PPM1L: variants seen among roughly 807,000 people sequenced by gnomAD.
PPM1L encodes protein phosphatase 1L.
In PPM1L, 13 loss-of-function variants were observed where a neutral mutation model predicts 31.4. The observed-to-expected ratio is 0.41, with a 90% CI of 0.27 to 0.66. The LOEUF (loss-of-function observed/expected upper bound fraction) is 0.66, where lower values mean the gene tolerates loss of function less well. PPM1L is among the 30% of genes least tolerant of loss of function. PPM1L has a pLI of 0.29. For missense variants in PPM1L, 326 were observed against 453.7 expected (o/e 0.72, Z 2.56); for synonymous variants, 184 against 175.4 (o/e 1.05, Z -0.39).
At chr3:160,941,183 G>C (rs1715150690) in intron 1 of PPM1L, among the ~76,000 whole-genome samples, 1 of 152,178 alleles carries the variant, frequency 6.6e-6, no homozygotes, top group Admixed American at 6.5e-5. Flanking sequence ...TATCTAGGAA[G>C]TAAATAGCTT....
chr3:160,766,744 G>GTT (rs200642876), intron 1 of PPM1L, among the ~76,000 whole-genome samples: 1 of 142,394 alleles, frequency 7.0e-6, no homozygotes, highest in Non-Finnish European at 1.5e-5. Context: ...CTCTCTGGAG[G>GTT]TTTTTTTTTT....
At position 160,873,403 on chromosome 3, in the gene PPM1L, C is replaced by T. The variant is rs527598101; in HGVS notation, c.400-88333C>T. Among the ~76,000 whole-genome samples, 139 of 152,284 alleles carry T rather than the reference C, an allele frequency of 9.1e-4. 1 individual carries two copies. The highest frequency in any genetic ancestry group is 3.0e-3 in the African/African-American group (125 of 41,568). ...GGAAAATTTTGTTCTGAATTCAAAA[C>T]GGCTGACTTATAGGTAGACTATGGA... is the stretch of plus-strand genomic sequence containing the variant. On this transcript the variant is annotated intron_variant, in intron 1 of 3. Coordinates refer to ENST00000498165, the MANE Select transcript of PPM1L (RefSeq NM_139245.4).
At chr3:160,899,478 A>AT (rs1385089437) in intron 1 of PPM1L, among the ~76,000 whole-genome samples, 5 of 152,222 alleles carry the variant, frequency 3.3e-5, no homozygotes, top group African/African-American at 1.2e-4. Flanking sequence ...AATGAATTGG[A>AT]TTTTAAAATA....
rs1343266494 is a variant in PPM1L at position 160,954,528 on chromosome 3, G to GT, written c.400-7201dup. ...CAGGTGCGTGCCATCACGCCTGGCT[G>GT]TTTTTTTGTATTTTTAGTAGAGACA... On this transcript the variant is annotated intron_variant, in intron 1 of 3. Coordinates refer to ENST00000498165, the MANE Select transcript of PPM1L (RefSeq NM_139245.4). Among the ~76,000 whole-genome samples the GT allele has an allele frequency of 7.2e-5, 11 of 151,814 alleles. No individual in the cohort carries two copies. In the East Asian group the frequency reaches 9.8e-4, roughly 13 times the overall value.
intron 1 of PPM1L, among the ~76,000 whole-genome samples, chr3:160,850,523 G>T (rs545628498): frequency 2.3e-4 from 35 of 152,146 alleles, no homozygotes; most frequent in African/African-American, 8.4e-4. Flanking sequence ...CTGGACTTTG[G>T]GGGTTGAGGC....
intron 1 of PPM1L, among the ~76,000 whole-genome samples, chr3:160,851,909 T>C (rs904004418): frequency 6.6e-6 from 1 of 152,198 alleles, no homozygotes; most frequent in Non-Finnish European, 1.5e-5. Flanking sequence ...TTGCTCTTCA[T>C]AGGAAATGAG....
chr3:160,781,822 G>A (rs1576634523), intron 1 of PPM1L, among the ~76,000 whole-genome samples: 1 of 152,114 alleles, frequency 6.6e-6, no homozygotes, highest in Admixed American at 6.6e-5. Context: ...AAATCAAAGT[G>A]CAGAACATGT....
In PPM1L at chr3:160,944,803, A is replaced by ATATATATTATATATATGT. The variant is rs1553748139; in HGVS notation, c.400-16927_400-16926insTTATATATATGTTATATA. On this transcript the variant is annotated intron_variant, in intron 1 of 3. Coordinates refer to ENST00000498165, the MANE Select transcript of PPM1L (RefSeq NM_139245.4). ...TTATATTATATATGTTATATATAAC[A>ATATATATTATATATATGT]TATATAACATATATATGTTATATAT... 1.0e-4 allele frequency among the ~76,000 whole-genome samples: 6 copies of ATATATATTATATATATGT among 59,242 alleles called. 2 individuals carry two copies. The highest frequency in any genetic ancestry group is 4.1e-4 in the Admixed American group (2 of 4,928). The allele number at this position is 59,242 out of a possible 152,430, so 38.9% of individuals were successfully genotyped here.
chr3:161,006,482 TAA>T (rs934141548), intron 2 of PPM1L, among the ~76,000 whole-genome samples: 3 of 152,126 alleles, frequency 2.0e-5, no homozygotes, highest in African/African-American at 7.2e-5. Context: ...TAAAAATGAC[TAA>T]GAGGGTGAAC....
chr3:160,880,274 A>G (rs1161342373), intron 1 of PPM1L, among the ~76,000 whole-genome samples: 1 of 152,134 alleles, frequency 6.6e-6, no homozygotes, highest in Non-Finnish European at 1.5e-5. Context: ...TCTGTAGCCA[A>G]AAGCAAATAG....
chr3:160,941,587 T>C (rs1715164579), intron 1 of PPM1L, among the ~76,000 whole-genome samples: 1 of 152,172 alleles, frequency 6.6e-6, no homozygotes, highest in African/African-American at 2.4e-5. Flanking sequence ...GCCACTGCCA[T>C]GTAAGAAGTG....
At chr3:161,026,459 G>A (rs1718392847) in intron 2 of PPM1L, among the ~76,000 whole-genome samples, 1 of 152,194 alleles carries the variant, frequency 6.6e-6, no homozygotes, top group Admixed American at 6.5e-5. Context: ...CCTTTGGGAG[G>A]CCGAGGCAGG....
chr3:161,045,774 A>G (rs1356398615), intron 2 of PPM1L, among the ~76,000 whole-genome samples: 1 of 152,174 alleles, frequency 6.6e-6, no homozygotes, highest in Non-Finnish European at 1.5e-5. Flanking sequence ...CTAAGATCAG[A>G]GTAGAACTGA....
At chr3:161,067,931 G>T (rs1001359177) in intron 3 of PPM1L, among the ~76,000 whole-genome samples, 1 of 152,144 alleles carries the variant, frequency 6.6e-6, no homozygotes, top group Non-Finnish European at 1.5e-5. Flanking sequence ...ATACCACTTT[G>T]TGCTTATTGT....
Position 161,071,237 on chromosome 3 carries a change from TCAGCACCA to T in PPM1L, c.*2081_*2088del, listed in dbSNP as rs2108115221. On this transcript the variant is annotated 3_prime_UTR_variant, in exon 4 of 4. Coordinates refer to ENST00000498165, the MANE Select transcript of PPM1L (RefSeq NM_139245.4). ...GCCCCCACCCACCATCAAACTGAAA[TCAGCACCA>T]ATGGTGTCAGCACTTTACAGCCCAT... The T allele has an allele frequency of 6.6e-6, 1 of 152,342 alleles. No homozygotes were observed. The highest frequency in any genetic ancestry group is 2.1e-4 in the South Asian group (1 of 4,824). 9.4% of individuals were successfully genotyped at this position (152,342 alleles called of 1,614,324 possible).
At chr3:160,839,958 A>G (rs1560122032) in intron 1 of PPM1L, among the ~76,000 whole-genome samples, 1 of 152,204 alleles carries the variant, frequency 6.6e-6, no homozygotes. Flanking sequence ...GAGTTGAGAC[A>G]TACGGTTTAT....
At chr3:160,869,718 A>ATGTG (rs10663764) in intron 1 of PPM1L, among the ~76,000 whole-genome samples, 8,010 of 150,400 alleles carry the variant, frequency 0.053, 273 homozygotes, top group Middle Eastern at 0.12. Flanking sequence ...GGTGCAATGT[A>ATGTG]TGTGTGTGTG....
At chr3:161,047,117 G>T (rs1576805076) in intron 2 of PPM1L, among the ~76,000 whole-genome samples, 1 of 152,122 alleles carries the variant, frequency 6.6e-6, no homozygotes, top group Admixed American at 6.5e-5. Context: ...AAGAAATAAA[G>T]GGTATTCAGC....
At chr3:161,065,301 C>G in intron 2 of PPM1L, 102 bp from the exon 3 acceptor site, 1 of 1,172,026 alleles carries the variant, frequency 8.5e-7, no homozygotes, top group Non-Finnish European at 1.2e-6. Context: ...TCTCACCCAG[C>G]AGAAGCAATT....
Sources: gnomAD v4.1 joint callset for allele counts (sites outside exome capture counted in the v4.1 genomes callset) on GRCh38, gnomAD v4.1.1 for gene constraint, MANE v1.5 for transcripts, NCBI Gene and HGNC (gene_info 2026-07-23, HGNC 2026-07-21) for gene names.